DLG2: variants seen among roughly 807,000 people sequenced by gnomAD.
DLG2 encodes discs large MAGUK scaffold protein 2.
A neutral mutation model predicts 132.5 loss-of-function variants in DLG2; 45 were observed. That is an observed-to-expected ratio of 0.34 (90% CI 0.27 to 0.44). The LOEUF is 0.44. Ranked by LOEUF, DLG2 falls within the 20% of genes least tolerant of loss-of-function variation. The pLI is 1.00. For synonymous variants in DLG2, 424 were observed against 419.6 expected (o/e 1.01, Z -0.13); for missense variants, 1,045 against 1,196.9 (o/e 0.87, Z 1.87).
Position 84,059,486 on chromosome 11 carries a change from T to A in DLG2, c.750-2A>T. Reference sequence around the variant, plus strand: ...ACCCGCAAGATACAATCATTGACCCTGCAAGGAAGGAAAAGAGTCAAGATT... The same window carrying A: ...ACCCGCAAGATACAATCATTGACCCAGCAAGGAAGGAAAAGAGTCAAGATT... On this transcript the variant is annotated splice_acceptor_variant, in intron 10 of 27. Transcript: ENST00000376104. LOFTEE classifies it high-confidence loss of function. 6.4e-7 allele frequency: 1 copy of A among 1,567,692 alleles called. No homozygotes were observed. The highest frequency in any genetic ancestry group is 8.6e-7 in the Non-Finnish European group (1 of 1,157,460).
rs188565735 is a variant in DLG2, at chr11:85,024,652, C to A, written c.357+87009G>T. Among the ~76,000 whole-genome samples, 588 of 152,332 alleles carry A rather than the reference C, an allele frequency of 3.9e-3. 3 individuals carry two copies. Among genetic ancestry groups the A allele is most frequent in the Non-Finnish European group, 4.9e-3 (336 of 68,022 alleles). On this transcript the variant is annotated intron_variant, in intron 6 of 27. Coordinates refer to ENST00000376104, the MANE Select transcript of DLG2 (RefSeq NM_001142699.3). ...AGTGCCAGTTGTTAGCAGAGAAAATCATCTAAGCCATTTGTAAGCACTCTG... is the reference window on the plus strand; with the variant it reads ...AGTGCCAGTTGTTAGCAGAGAAAATAATCTAAGCCATTTGTAAGCACTCTG...
intron 6 of DLG2, among the ~76,000 whole-genome samples, chr11:84,887,886 A>G (rs949094058): frequency 2.6e-5 from 4 of 152,146 alleles, no homozygotes; most frequent in South Asian, 2.1e-4. Flanking sequence ...CATGACCACT[A>G]CATCTGCTGT....
intron 7 of DLG2, among the ~76,000 whole-genome samples, chr11:84,485,149 A>T (rs2099147587): frequency 6.6e-6 from 1 of 152,126 alleles, no homozygotes; most frequent in Admixed American, 6.6e-5. Context: ...AAAGAATTTA[A>T]TTGGATGTTC....
At chr11:83,505,331 T>A (rs1368120598) in intron 21 of DLG2, among the ~76,000 whole-genome samples, 1 of 152,162 alleles carries the variant, frequency 6.6e-6, no homozygotes, top group Non-Finnish European at 1.5e-5. Flanking sequence ...TCATCCCTGG[T>A]GAGTGGAAGC....
intron 6 of DLG2, among the ~76,000 whole-genome samples, chr11:84,578,070 C>T (rs767638869): frequency 1.3e-5 from 2 of 152,156 alleles, no homozygotes; most frequent in Non-Finnish European, 2.9e-5. Flanking sequence ...CCTGTGGGTG[C>T]ACAGATGTCA....
chr11:84,897,109 T>C (rs12280451), intron 6 of DLG2, among the ~76,000 whole-genome samples: 14,671 of 151,484 alleles, frequency 0.097, 938 homozygotes, highest in African/African-American at 0.18. Flanking sequence ...TATTTTTTGT[T>C]AATCATTCCT....
At chr11:83,609,966 C>A (rs1212415503) in intron 19 of DLG2, among the ~76,000 whole-genome samples, 1 of 152,074 alleles carries the variant, frequency 6.6e-6, no homozygotes. Context: ...AAATGCTTGT[C>A]CTTTTGGGAA....
chr11:84,705,341 T>G (rs947100051), intron 6 of DLG2, among the ~76,000 whole-genome samples: 1 of 151,644 alleles, frequency 6.6e-6, no homozygotes, highest in Non-Finnish European at 1.5e-5. Flanking sequence ...GCTGACAGGT[T>G]CCTGTGGCAG....
At chr11:85,490,222 A>C (rs1327840020) in intron 3 of DLG2, among the ~76,000 whole-genome samples, 1 of 152,128 alleles carries the variant, frequency 6.6e-6, no homozygotes, top group Non-Finnish European at 1.5e-5. Flanking sequence ...ATTTGAAACA[A>C]ATGAAAATGA....
At chr11:84,442,861 C>T (rs1222029257) in intron 7 of DLG2, among the ~76,000 whole-genome samples, 1 of 151,920 alleles carries the variant, frequency 6.6e-6, no homozygotes. Flanking sequence ...ATAATTAGTG[C>T]TAATGTATAT....
At chr11:85,002,662 T>C (rs763250841) in intron 6 of DLG2, among the ~76,000 whole-genome samples, 7 of 152,104 alleles carry the variant, frequency 4.6e-5, no homozygotes, top group Non-Finnish European at 1.0e-4. Flanking sequence ...GGGTGCCAAA[T>C]AGTACTACAG....
chr11:84,562,721 C>T (rs904054771), intron 6 of DLG2, among the ~76,000 whole-genome samples: 5 of 151,636 alleles, frequency 3.3e-5, no homozygotes, highest in African/African-American at 1.2e-4. Flanking sequence ...AAATATCCAA[C>T]TCTTTACCTC....
At chr11:84,743,329 A>G (rs963953670) in intron 6 of DLG2, among the ~76,000 whole-genome samples, 2 of 152,164 alleles carry the variant, frequency 1.3e-5, no homozygotes, top group East Asian at 3.8e-4. Context: ...TTATCTATTG[A>G]TTTATAGTTC....
chr11:85,466,597 T>G (rs180800783), intron 3 of DLG2, among the ~76,000 whole-genome samples: 2 of 152,200 alleles, frequency 1.3e-5, no homozygotes, highest in Non-Finnish European at 2.9e-5. Flanking sequence ...TTTTGTCAGG[T>G]TTGTCAAAGA....
intron 6 of DLG2, among the ~76,000 whole-genome samples, chr11:84,875,497 G>T (rs1034919954): frequency 3.3e-5 from 5 of 149,502 alleles, no homozygotes; most frequent in African/African-American, 1.2e-4. Context: ...TGATTTCCTG[G>T]TGGAAAAAAA....
intron 18 of DLG2, among the ~76,000 whole-genome samples, chr11:83,750,488 C>G (rs1333591576): frequency 6.6e-6 from 1 of 152,210 alleles, no homozygotes; most frequent in African/African-American, 2.4e-5. Context: ...TACCTTTAGA[C>G]TCTACTCTGA....
At chr11:83,578,983 T>G (rs139928554) in intron 19 of DLG2, among the ~76,000 whole-genome samples, 6 of 152,362 alleles carry the variant, frequency 3.9e-5, no homozygotes, top group African/African-American at 1.2e-4. Context: ...GCTTCCCCAC[T>G]GTGTTTTCCT....
intron 3 of DLG2, among the ~76,000 whole-genome samples, chr11:85,536,987 A>G (rs904016171): frequency 6.6e-6 from 1 of 152,200 alleles, no homozygotes; most frequent in African/African-American, 2.4e-5. Context: ...CTGTCTAGCC[A>G]AAGGATTGTA....
rs140476386 is a variant in DLG2 at position 83,868,667 on chromosome 11, A to G, written c.1565+5753T>C. Among the ~76,000 whole-genome samples the G allele has an allele frequency of 2.0e-3, 306 of 152,248 alleles. 1 individual carries two copies. Among genetic ancestry groups the G allele is most frequent in the African/African-American group, 6.8e-3 (282 of 41,548 alleles). On this transcript the variant is annotated intron_variant, in intron 16 of 27. Transcript: ENST00000376104. ...TCTGTTTTGATAGAGTCACTTAAATATCTGTGATAAGCAAAGGCTCAGATT... is the reference window on the plus strand; with the variant it reads ...TCTGTTTTGATAGAGTCACTTAAATGTCTGTGATAAGCAAAGGCTCAGATT...
Sources: allele counts gnomAD v4.1 joint callset (sites outside exome capture counted in the v4.1 genomes callset), GRCh38; gene constraint gnomAD v4.1.1; transcripts MANE v1.5; gene names NCBI Gene and HGNC (gene_info 2026-07-23, HGNC 2026-07-21).